The following RASD2 variants were observed in gnomAD, a reference collection of about 807,000 sequenced individuals.
The protein encoded by RASD2 is RASD family member 2.
Under a neutral mutation model 15.8 loss-of-function variants are expected in RASD2, and 7 were observed. That is an observed-to-expected ratio of 0.44 (90% CI 0.25 to 0.83). The LOEUF is 0.83. RASD2 is among the 40% of genes least tolerant of loss of function. RASD2 has a pLI of 0.20. For missense variants in RASD2, 274 were observed against 382.8 expected (o/e 0.72, Z 2.37); for synonymous variants, 155 against 153.6 (o/e 1.01, Z -0.07).
In RASD2 at chr22:35,552,139, G is replaced by C; in HGVS notation, c.*107G>C. On this transcript the variant is annotated 3_prime_UTR_variant, in exon 3 of 3. Transcript: ENST00000216127. ...GGCCCCGGCAGCAGTCTTGTTCACA[G>C]ACCTTAGGCACCAGACTGGAGGCCC... 7.1e-7 allele frequency: 1 copy of C among 1,403,358 alleles called. No homozygotes were observed. Among genetic ancestry groups the C allele is most frequent in the South Asian group, 1.4e-5 (1 of 70,814 alleles). The allele number at this position is 1,403,358 out of a possible 1,614,324, so 86.9% of individuals were successfully genotyped here. A position where few individuals can be genotyped will look rare whatever the true frequency, so the allele number is the denominator to read the frequency against.
intron 2 of RASD2, among the ~76,000 whole-genome samples, chr22:35,548,138 C>G (rs558928241): frequency 1.9e-4 from 29 of 152,266 alleles, no homozygotes; most frequent in Middle Eastern, 6.8e-3. Context: ...GTGAGTGGAG[C>G]TGAGGGGCTG....
chr22:35,551,685 C>A lies in RASD2; in HGVS notation c.454C>A (p.Pro152Thr). 6.2e-7 allele frequency: 1 copy of A among 1,613,848 alleles called. No homozygotes were observed. The highest frequency in any genetic ancestry group is 8.5e-7 in the Non-Finnish European group (1 of 1,179,794). Residue 152 changes from proline to threonine, a missense_variant, in exon 3 of 3, where the codon CCC becomes ACC. By Grantham distance (38) the Pro-to-Thr change is conservative. Coordinates refer to ENST00000216127, the MANE Select transcript of RASD2 (RefSeq NM_014310.4). The surrounding 1 kb of genome is among the most constrained non-coding windows in gnomAD (Gnocchi z 4.9). ...CCACGGCGAGCTGTGCCGCCAGGTG[C>A]CCACCACCGAGGCCGAGCTGCTGGT... ...NDHGELCRQVPTTEAELLVSG... is the reference protein window; with the variant it reads ...NDHGELCRQVTTTEAELLVSG...
intron 1 of RASD2, among the ~76,000 whole-genome samples, chr22:35,545,315 C>T (rs904033979): frequency 5.9e-5 from 9 of 152,180 alleles, no homozygotes; most frequent in African/African-American, 9.7e-5. Flanking sequence ...TGTTGGAAAG[C>T]GCCTTGGGTC....
chr22:35,550,346 C>G (rs941406544), intron 2 of RASD2, among the ~76,000 whole-genome samples: 2 of 144,362 alleles, frequency 1.4e-5, no homozygotes, highest in East Asian at 2.0e-4. Flanking sequence ...GAGGCTGAGG[C>G]AGGAGAATCG....
Position 35,551,914 on chromosome 22 carries a change from A to G in RASD2, c.683A>G (p.Tyr228Cys). 6.2e-7 allele frequency: 1 copy of G among 1,612,054 alleles called. No individual in the cohort carries two copies. The highest frequency in any genetic ancestry group is 8.5e-7 in the Non-Finnish European group (1 of 1,180,012). The change falls in exon 3 of 3, where the codon TAT becomes TGT. Residue 228 changes from tyrosine to cysteine, a missense_variant. Tyr to Cys is a radical substitution (Grantham distance 194). Transcript: ENST00000216127. This position sits in a 1 kb window ranked among gnomAD's most constrained non-coding sequence, Gnocchi z 4.9. The part of the protein sequence containing the change: ...CMRRVKEMDA[Y>C]GMVSPFARRP... ...CGCCGCGTCAAGGAGATGGACGCCTATGGCATGGTCTCGCCCTTCGCCCGC... is the reference window on the plus strand; with the variant it reads ...CGCCGCGTCAAGGAGATGGACGCCTGTGGCATGGTCTCGCCCTTCGCCCGC...
chr22:35,533,840 G>A, the RASD2 span, among the ~76,000 whole-genome samples: 3 of 151,616 alleles, frequency 2.0e-5, no homozygotes, highest in African/African-American at 7.3e-5. Flanking sequence ...TGATGGTGAT[G>A]ATGGGGATGA....
At chr22:35,550,549 A>C (rs1230401676) in intron 2 of RASD2, among the ~76,000 whole-genome samples, 3 of 150,748 alleles carry the variant, frequency 2.0e-5, no homozygotes, top group African/African-American at 7.3e-5. Flanking sequence ...CCACCACCCC[A>C]CCGTCTCCAC....
intron 2 of RASD2, among the ~76,000 whole-genome samples, chr22:35,550,683 A>C (rs1934639492): frequency 6.6e-6 from 1 of 152,178 alleles, no homozygotes; most frequent in Non-Finnish European, 1.5e-5. Context: ...AGAAGCAGAG[A>C]GCACCTACCG....
rs942029137 is a variant in RASD2, at chr22:35,552,581, C to T, written c.*549C>T. 1.9e-5 allele frequency: 3 copies of T among 154,722 alleles called. No homozygotes were observed. Among genetic ancestry groups the T allele is most frequent in the Admixed American group, 6.4e-5 (1 of 15,662 alleles). 9.6% of individuals were successfully genotyped at this position (154,722 alleles called of 1,614,324 possible). On this transcript the variant is annotated 3_prime_UTR_variant, in exon 3 of 3. Transcript: ENST00000216127. ...CAAGTTGGCCCCCAGCTGCGCCTGA[C>T]ATTGAGCCAGTGGACTCTGTGTCTG...
In RASD2 at chr22:35,551,693, C is replaced by T. The variant is rs142138208; in HGVS notation, c.462C>T (p.Thr154=). The change falls in exon 3 of 3, where the codon ACC becomes ACT. Residue 154 remains threonine (T), a synonymous_variant. Coordinates refer to ENST00000216127, the MANE Select transcript of RASD2 (RefSeq NM_014310.4). The surrounding 1 kb of genome is among the most constrained non-coding windows in gnomAD (Gnocchi z 4.9). ...HGELCRQVPT[T]EAELLVSGDE... ...AGCTGTGCCGCCAGGTGCCCACCAC[C>T]GAGGCCGAGCTGCTGGTGTCGGGCG... 39 of 1,613,726 alleles carry T rather than the reference C, an allele frequency of 2.4e-5. No individual in the cohort carries two copies. The African/African-American group carries it at 3.5e-4, about 14-fold the overall frequency.
chr22:35,546,968 G>A lies in RASD2; in HGVS notation c.159G>A (p.Glu53=), dbSNP rs1934522312. The A allele has an allele frequency of 6.2e-7, 1 of 1,614,006 alleles. No homozygotes were observed. The highest frequency in any genetic ancestry group is 1.3e-5 in the African/African-American group (1 of 74,902). The change falls in exon 2 of 3, where the codon GAG becomes GAA. Residue 53 remains glutamate (E), a synonymous_variant. Transcript: ENST00000216127. ...RFEDQYTPTI[E]DFHRKVYNIR... The stretch of plus-strand genomic sequence containing the variant: ...AGGACCAGTACACACCCACCATCGA[G>A]GACTTCCACCGTAAGGTATACAACA...
upstream of RASD2, among the ~76,000 whole-genome samples, chr22:35,538,446 G>A (rs1393252673): frequency 5.3e-5 from 8 of 152,134 alleles, no homozygotes; most frequent in African/African-American, 1.9e-4. Context: ...GATAAAGCAA[G>A]TGGGTGGGGA....
At chr22:35,548,400 C>T (rs538418553) in intron 2 of RASD2, among the ~76,000 whole-genome samples, 5 of 152,242 alleles carry the variant, frequency 3.3e-5, no homozygotes, top group East Asian at 1.9e-4. Flanking sequence ...ACAATAAATC[C>T]CCAAGTCTTC....
rs1244405239 is a variant in RASD2 at position 35,551,969 on chromosome 22, C to T, written c.738C>T (p.Tyr246=). ...CCAGCGTCAACAGTGACCTCAAGTACATCAAGGCCAAGGTCCTTCGGGAAG... is the reference window on the plus strand; with the variant it reads ...CCAGCGTCAACAGTGACCTCAAGTATATCAAGGCCAAGGTCCTTCGGGAAG... ...RRPSVNSDLK[Y]IKAKVLREGQ... The change falls in exon 3 of 3, where the codon TAC becomes TAT. Residue 246 remains tyrosine (Y), a synonymous_variant. Coordinates refer to ENST00000216127, the MANE Select transcript of RASD2 (RefSeq NM_014310.4). This position sits in a 1 kb window ranked among gnomAD's most constrained non-coding sequence, Gnocchi z 4.9. The T allele has an allele frequency of 1.2e-6, 2 of 1,603,404 alleles. No individual in the cohort carries two copies. The highest frequency in any genetic ancestry group is 1.7e-6 in the Non-Finnish European group (2 of 1,179,968).
At chr22:35,540,433 G>A (rs997532364), upstream of RASD2, among the ~76,000 whole-genome samples, 6 of 148,910 alleles carry the variant, frequency 4.0e-5, no homozygotes, top group African/African-American at 1.5e-4. Flanking sequence ...CCTCCCATTG[G>A]CCGGGCGCCG....
At chr22:35,538,952 A>G (rs1601808247), upstream of RASD2, among the ~76,000 whole-genome samples, 1 of 152,184 alleles carries the variant, frequency 6.6e-6, no homozygotes, top group Non-Finnish European at 1.5e-5. Flanking sequence ...TGGAAAATGC[A>G]CCAGGCTGCA....
chr22:35,546,461 C>T (rs1428796820), intron 1 of RASD2, among the ~76,000 whole-genome samples: 4 of 152,138 alleles, frequency 2.6e-5, no homozygotes, highest in African/African-American at 7.2e-5. Flanking sequence ...GAATTGGGCT[C>T]ATTTTGCAGA....
chr22:35,534,048 C>T, the RASD2 span, among the ~76,000 whole-genome samples: 5 of 152,064 alleles, frequency 3.3e-5, no homozygotes, highest in African/African-American at 4.8e-5. Flanking sequence ...AAGAGGGATG[C>T]AGTCCAAGCC....
At chr22:35,535,992 T>A (rs1488409432), upstream of RASD2, among the ~76,000 whole-genome samples, 7 of 152,134 alleles carry the variant, frequency 4.6e-5, no homozygotes, top group African/African-American at 1.4e-4. Flanking sequence ...CTCCTGTTGA[T>A]CTTTGGCCTG....
Sources: allele counts gnomAD v4.1 joint callset (sites outside exome capture counted in the v4.1 genomes callset), GRCh38; gene constraint gnomAD v4.1.1; non-coding constraint Gnocchi (gnomAD v3.1); transcripts MANE v1.5; gene names NCBI Gene and HGNC (gene_info 2026-07-23, HGNC 2026-07-21).